SRRM3: variants seen among roughly 807,000 people sequenced by gnomAD.
The protein encoded by SRRM3 is serine/arginine repetitive matrix protein 3.
Under a neutral mutation model 66.2 loss-of-function variants are expected in SRRM3, and 27 were observed. The ratio of observed to expected loss-of-function variants is 0.41; its 90% confidence interval spans 0.30 to 0.56. The LOEUF (loss-of-function observed/expected upper bound fraction) is 0.56. Ranked by LOEUF, SRRM3 falls within the 20% of genes least tolerant of loss-of-function variation. The pLI, the probability that SRRM3 is intolerant of heterozygous loss-of-function variation, is 0.32. For synonymous variants in SRRM3, 391 were observed against 414.9 expected (o/e 0.94, Z 0.70); for missense variants, 918 against 991.9 (o/e 0.93, Z 1.00).
chr7:76,234,737 G>C (rs1411724444), intron 1 of SRRM3, among the ~76,000 whole-genome samples: 1 of 152,084 alleles, frequency 6.6e-6, no homozygotes, highest in Non-Finnish European at 1.5e-5. Context: ...GATGGTCCTC[G>C]GTAGTTCCTG....
chr7:76,244,165 G>A (rs1583902032), intron 2 of SRRM3, among the ~76,000 whole-genome samples: 3 of 152,276 alleles, frequency 2.0e-5, no homozygotes, highest in Admixed American at 2.0e-4. Flanking sequence ...CCCACGGTGA[G>A]CGACACAGCA....
chr7:76,283,501 CT>C, intron 14 of SRRM3: 1 of 445,540 alleles, frequency 2.2e-6, no homozygotes, highest in South Asian at 1.6e-5. Flanking sequence ...ACAATGATGT[CT>C]CCTTTTCTCC....
chr7:76,203,831 C>A (rs1476871753), intron 1 of SRRM3, among the ~76,000 whole-genome samples: 4 of 151,772 alleles, frequency 2.6e-5, no homozygotes, highest in African/African-American at 9.7e-5. Flanking sequence ...TATCAAGGCC[C>A]AGTTCAATGC....
In SRRM3 at chr7:76,282,671, C is replaced by T. The variant is rs565337580; in HGVS notation, c.1394C>T (p.Ala465Val). The change falls in exon 13 of 15, where the codon GCG becomes GTG. Residue 465 changes from alanine to valine, a missense_variant. Coordinates refer to ENST00000611745, the MANE Select transcript of SRRM3 (RefSeq NM_001110199.3). ...GKRAKERPPR[A>V]RPASTSPSPG... ...AGGGCCAAGGAGCGGCCCCCGCGCG[C>T]GCGGCCCGCCAGCACCTCTCCGTCC... The T allele has an allele frequency of 4.3e-6, 6 of 1,404,462 alleles. No homozygotes were observed. The highest frequency in any genetic ancestry group is 1.5e-5 in the African/African-American group (1 of 66,160). The allele number at this position is 1,404,462 out of a possible 1,614,324, so 87.0% of individuals were successfully genotyped here. A position where few individuals can be genotyped will look rare whatever the true frequency, so the allele number is the denominator to read the frequency against.
chr7:76,247,291 C>G (rs894347350), intron 2 of SRRM3, among the ~76,000 whole-genome samples: 1 of 152,088 alleles, frequency 6.6e-6, no homozygotes, highest in African/African-American at 2.4e-5. Flanking sequence ...TCAGCCACCC[C>G]CTACCCCAAG....
At chr7:76,211,754 C>A (rs981147620) in intron 1 of SRRM3, among the ~76,000 whole-genome samples, 1 of 151,616 alleles carries the variant, frequency 6.6e-6, no homozygotes, top group Non-Finnish European at 1.5e-5. Context: ...CAGGACCCAC[C>A]CAAAACGACT....
chr7:76,266,453 T>C (rs1181973311), intron 10 of SRRM3, among the ~76,000 whole-genome samples: 1 of 112,316 alleles, frequency 8.9e-6, no homozygotes, highest in Non-Finnish European at 1.6e-5. Context: ...TATATTTTAA[T>C]ATTTATATAT....
chr7:76,241,661 G>A (rs928180060), intron 2 of SRRM3, among the ~76,000 whole-genome samples: 5 of 152,014 alleles, frequency 3.3e-5, no homozygotes, highest in African/African-American at 4.8e-5. Flanking sequence ...GCACCACCAC[G>A]CCCAGCTGAT....
At chr7:76,233,796 CA>C (rs1156615842) in intron 1 of SRRM3, among the ~76,000 whole-genome samples, 27 of 152,228 alleles carry the variant, frequency 1.8e-4, no homozygotes, top group African/African-American at 5.5e-4. Flanking sequence ...ACTTGGGACT[CA>C]GGGGGAAGGA....
chr7:76,252,850 A>G (rs1324848770), intron 3 of SRRM3, among the ~76,000 whole-genome samples: 1 of 152,160 alleles, frequency 6.6e-6, no homozygotes, highest in African/African-American at 2.4e-5. Flanking sequence ...GGGATTGTGA[A>G]CTATGAAGCA....
rs1554609891 is a variant in SRRM3, at chr7:76,267,341, G to T, written c.914G>T (p.Gly305Val). Residue 305 changes from glycine to valine, a missense_variant, in exon 11 of 15, where the codon GGC becomes GTC. Gly to Val is a moderately radical substitution (Grantham distance 109). Coordinates refer to ENST00000611745, the MANE Select transcript of SRRM3 (RefSeq NM_001110199.3). ...SGSRSPSPSG[G>V]SGWGSPQRNG... Reference sequence around the variant, plus strand: ...AGCCGGTCGCCTTCCCCGTCGGGCGGCAGCGGATGGGGGTCGCCCCAGCGG... The same window carrying T: ...AGCCGGTCGCCTTCCCCGTCGGGCGTCAGCGGATGGGGGTCGCCCCAGCGG... The T allele has an allele frequency of 1.3e-6, 2 of 1,529,766 alleles. No homozygotes were observed. Among genetic ancestry groups the T allele is most frequent in the Non-Finnish European group, 1.7e-6 (2 of 1,144,806 alleles). 94.8% of individuals were successfully genotyped at this position (1,529,766 alleles called of 1,614,324 possible).
chr7:76,225,354 C>G (rs1800833172), intron 1 of SRRM3, among the ~76,000 whole-genome samples: 1 of 152,184 alleles, frequency 6.6e-6, no homozygotes, highest in South Asian at 2.1e-4. Context: ...CTGTGGGAAT[C>G]TGTACCTTTG....
At chr7:76,234,088 C>G (rs1801080486) in intron 1 of SRRM3, among the ~76,000 whole-genome samples, 1 of 151,930 alleles carries the variant, frequency 6.6e-6, no homozygotes, top group South Asian at 2.1e-4. Flanking sequence ...ACCCCACTCC[C>G]TGGGAATGAG....
intron 1 of SRRM3, among the ~76,000 whole-genome samples, chr7:76,210,751 C>T (rs1554601624): frequency 6.6e-6 from 1 of 151,852 alleles, no homozygotes; most frequent in African/African-American, 2.4e-5. Context: ...AGTGAGATCC[C>T]GTCTCTAAAA....
Position 76,281,821 on chromosome 7 carries a change from G to C in SRRM3, c.1370+19G>C. 7.5e-7 allele frequency: 1 copy of C among 1,339,734 alleles called. No homozygotes were observed. The highest frequency in any genetic ancestry group is 9.6e-7 in the Non-Finnish European group (1 of 1,046,706). 83.0% of individuals were successfully genotyped at this position (1,339,734 alleles called of 1,614,324 possible). A position where few individuals can be genotyped will look rare whatever the true frequency, so the allele number is the denominator to read the frequency against. On this transcript the variant is annotated intron_variant, in intron 12 of 14. Coordinates refer to ENST00000611745, the MANE Select transcript of SRRM3 (RefSeq NM_001110199.3). ...GGAAACGGTGAGCGTGCTGGACCCG[G>C]AGCTGGACTCCCGCCCCCACCCCGC...
At chr7:76,220,539 G>A (rs945955350) in intron 1 of SRRM3, among the ~76,000 whole-genome samples, 1 of 152,106 alleles carries the variant, frequency 6.6e-6, no homozygotes, top group African/African-American at 2.4e-5. Context: ...CACCGGCCCC[G>A]GACACCCCAT....
chr7:76,258,713 CAAAAAAAA>C (rs201265747), intron 3 of SRRM3, among the ~76,000 whole-genome samples: 1 of 68,284 alleles, frequency 1.5e-5, no homozygotes, highest in Non-Finnish European at 3.1e-5. Flanking sequence ...GACTCCATCT[CAAAAAAAA>C]AAAAAAAAAA....
chr7:76,214,772 T>C (rs1393034380), intron 1 of SRRM3, among the ~76,000 whole-genome samples: 3 of 151,944 alleles, frequency 2.0e-5, no homozygotes, highest in Non-Finnish European at 4.4e-5. Flanking sequence ...CTTTCCTTTT[T>C]GTAAAAAGAA....
chr7:76,222,678 G>A (rs1292211336), intron 1 of SRRM3, among the ~76,000 whole-genome samples: 2 of 151,908 alleles, frequency 1.3e-5, no homozygotes, highest in African/African-American at 4.8e-5. Flanking sequence ...CTGGAGTGCA[G>A]TGGCGTGATC....
Sources: allele counts gnomAD v4.1 joint callset (sites outside exome capture counted in the v4.1 genomes callset), GRCh38; gene constraint gnomAD v4.1.1; transcripts MANE v1.5; gene names NCBI Gene and HGNC (gene_info 2026-07-23, HGNC 2026-07-21).